Variants in ARHGAP32 observed in about 807,000 individuals in gnomAD.
The protein encoded by ARHGAP32 is Rho GTPase activating protein 32, also known as rho GTPase-activating protein 32.
ARHGAP32 carries 51 observed loss-of-function variants against 186.5 expected under a neutral mutation model. That is an observed-to-expected ratio of 0.27 (90% CI 0.22 to 0.35). The LOEUF (loss-of-function observed/expected upper bound fraction) is 0.35. ARHGAP32 is among the 10% of genes least tolerant of loss of function. The pLI, the probability that ARHGAP32 is intolerant of heterozygous loss-of-function variation, is 1.00. For missense variants in ARHGAP32, 2,186 were observed against 2,623.5 expected, an observed-to-expected ratio of 0.83 and a Z score of 3.64; for synonymous variants, 950 against 964.3, an observed-to-expected ratio of 0.99 and a Z score of 0.27.
At chr11:129,113,113 T>C (rs988795519) in intron 5 of ARHGAP32, among the ~76,000 whole-genome samples, 5 of 152,182 alleles carry the variant, frequency 3.3e-5, no homozygotes, top group Non-Finnish European at 5.9e-5. Context: ...ATTTCCAGCA[T>C]CACTAGTAGC....
At chr11:129,245,407 C>T (rs1945078423) in intron 1 of ARHGAP32, among the ~76,000 whole-genome samples, 1 of 147,444 alleles carries the variant, frequency 6.8e-6, no homozygotes, top group South Asian at 2.2e-4. Flanking sequence ...AATGAGATCA[C>T]ATGGACACAG....
Position 129,144,426 on chromosome 11 carries a change from C to G in ARHGAP32, c.226-19532G>C, listed in dbSNP as rs560053554. Among the ~76,000 whole-genome samples, 9 of 152,210 alleles carry G rather than the reference C, an allele frequency of 5.9e-5. No homozygotes were observed. In the South Asian group the frequency reaches 1.9e-3, roughly 32 times the overall value. ...TCCATCAGACTTGATAACAGCCTAG[C>G]AATTTTACTAAAAAAACACTTCACA... On this transcript the variant is annotated intron_variant, in intron 2 of 22. Coordinates refer to ENST00000682385, the MANE Select transcript of ARHGAP32 (RefSeq NM_001378024.1).
At chr11:129,278,057 T>G (rs920055174) in intron 1 of ARHGAP32, among the ~76,000 whole-genome samples, 1 of 152,204 alleles carries the variant, frequency 6.6e-6, no homozygotes, top group African/African-American at 2.4e-5. Context: ...CCAGCACCAT[T>G]TGCTTTTTCT....
rs140396510 is a variant in ARHGAP32 at position 128,970,386 on chromosome 11, G to A, written c.4827C>T (p.Arg1609=). Reference sequence around the variant, plus strand: ...CTTCTGTCCGTGAAATGGGAACAGAGCGAATCATGGAAGACGGCGGAGCAT... The same window carrying A: ...CTTCTGTCCGTGAAATGGGAACAGAACGAATCATGGAAGACGGCGGAGCAT... ...SLHAPPSSMI[R]SVPISRTEVP... is the part of the protein sequence containing the mutation. Residue 1609 remains arginine (R), a synonymous_variant, in exon 23 of 23, where the codon CGC becomes CGT. Coordinates refer to ENST00000682385, the MANE Select transcript of ARHGAP32 (RefSeq NM_001378024.1). This position sits in a 1 kb window ranked among gnomAD's most constrained non-coding sequence, Gnocchi z 5.8. 1.2e-6 allele frequency: 2 copies of A among 1,614,094 alleles called. No homozygotes were observed. The highest frequency in any genetic ancestry group is 2.7e-5 in the African/African-American group (2 of 74,932).
At chr11:129,274,315 C>G (rs1945506328) in intron 1 of ARHGAP32, among the ~76,000 whole-genome samples, 1 of 152,234 alleles carries the variant, frequency 6.6e-6, no homozygotes, top group South Asian at 2.1e-4. Flanking sequence ...CAAGAGAAAA[C>G]TCTGTCGCAT....
At chr11:129,141,706 T>C (rs929163361) in intron 2 of ARHGAP32, among the ~76,000 whole-genome samples, 10 of 146,738 alleles carry the variant, frequency 6.8e-5, no homozygotes, top group African/African-American at 2.5e-4. Context: ...ATATATAAAA[T>C]CAAAAAAAAA....
intron 11 of ARHGAP32, among the ~76,000 whole-genome samples, chr11:129,039,683 G>A (rs1269857267): frequency 2.0e-5 from 3 of 152,152 alleles, no homozygotes. Flanking sequence ...ACAATTTAAA[G>A]GGTAAATTGC....
At chr11:129,093,542 C>T (rs1036474926) in intron 6 of ARHGAP32, 79 bp downstream of exon 6, 17 of 984,528 alleles carry the variant, frequency 1.7e-5, no homozygotes, top group Middle Eastern at 2.0e-4. Context: ...AGGCAAATCA[C>T]GTTATAGAAA....
intron 6 of ARHGAP32, among the ~76,000 whole-genome samples, chr11:129,079,887 T>G (rs550490785): frequency 6.6e-6 from 1 of 152,042 alleles, no homozygotes; most frequent in African/African-American, 2.4e-5. Flanking sequence ...TCACATAAAC[T>G]TAAGGTAAAG....
At chr11:129,241,738 G>A (rs1273727832) in intron 1 of ARHGAP32, among the ~76,000 whole-genome samples, 2 of 152,102 alleles carry the variant, frequency 1.3e-5, no homozygotes. Flanking sequence ...GAAGCCCTTC[G>A]AAGTCACAAA....
At chr11:128,979,424 T>C (rs1159480827) in intron 18 of ARHGAP32, among the ~76,000 whole-genome samples, 1 of 152,196 alleles carries the variant, frequency 6.6e-6, no homozygotes, top group African/African-American at 2.4e-5. Context: ...ATTATTCTCA[T>C]TTTGCAGCCA....
At chr11:129,062,450 T>G in intron 9 of ARHGAP32, 93 bp from the exon 10 acceptor site, 1 of 1,025,304 alleles carries the variant, frequency 9.8e-7, no homozygotes, top group Non-Finnish European at 1.5e-6. Flanking sequence ...TATGAAAAGG[T>G]AAAGTACTAT....
rs1789765363 is a variant in ARHGAP32 at position 129,089,460 on chromosome 11, C to G, written c.531+4161G>C. ...AAGACTGGGAAGCTACCAGATGTAG[C>G]AAGAGCACAGTGTGAACGGAGTCAT... On this transcript the variant is annotated intron_variant, in intron 6 of 22. Coordinates refer to ENST00000682385, the MANE Select transcript of ARHGAP32 (RefSeq NM_001378024.1). Among the ~76,000 whole-genome samples, 4 of 152,292 alleles carry G rather than the reference C, an allele frequency of 2.6e-5. No individual in the cohort carries two copies. The South Asian group carries it at 8.3e-4, about 32-fold the overall frequency.
chr11:129,010,035 A>G (rs1221686010), intron 11 of ARHGAP32, among the ~76,000 whole-genome samples: 1 of 152,158 alleles, frequency 6.6e-6, no homozygotes, highest in South Asian at 2.1e-4. Context: ...ATGGTATCTC[A>G]TTGTGGTTTT....
At chr11:129,194,205 C>G (rs1168203547), upstream of ARHGAP32, among the ~76,000 whole-genome samples, 3 of 152,074 alleles carry the variant, frequency 2.0e-5, no homozygotes, top group African/African-American at 7.2e-5. Flanking sequence ...TACCAAAATT[C>G]AAAATGCACA....
chr11:129,234,561 T>G (rs1335717259), intron 1 of ARHGAP32, among the ~76,000 whole-genome samples: 1 of 152,154 alleles, frequency 6.6e-6, no homozygotes, highest in African/African-American at 2.4e-5. Context: ...ATCAATATAA[T>G]CTATATATCT....
chr11:129,241,363 T>C (rs11221617), intron 1 of ARHGAP32, among the ~76,000 whole-genome samples: 31,124 of 152,108 alleles, frequency 0.2, 3,346 homozygotes, highest in East Asian at 0.28. Flanking sequence ...AGACAAGTAG[T>C]CCAGGTGCAA....
intron 7 of ARHGAP32, among the ~76,000 whole-genome samples, chr11:129,065,664 G>A (rs933915519): frequency 1.3e-5 from 2 of 152,110 alleles, no homozygotes; most frequent in Admixed American, 6.6e-5. Flanking sequence ...TGCAGTGTCC[G>A]TTATATTTTA....
At chr11:129,230,977 A>G (rs1048226970) in intron 1 of ARHGAP32, among the ~76,000 whole-genome samples, 2 of 152,130 alleles carry the variant, frequency 1.3e-5, no homozygotes, top group African/African-American at 4.8e-5. Flanking sequence ...TCTACTAAAA[A>G]TACAAAAATT....
Sources: allele counts gnomAD v4.1 joint callset (sites outside exome capture counted in the v4.1 genomes callset), GRCh38; gene constraint gnomAD v4.1.1; non-coding constraint Gnocchi (gnomAD v3.1); transcripts MANE v1.5; gene names NCBI Gene and HGNC (gene_info 2026-07-23, HGNC 2026-07-21).